The following MMRN1 variants were observed in gnomAD, a reference collection of about 807,000 sequenced individuals.
MMRN1 encodes the protein multimerin 1.
MMRN1 carries 94 observed loss-of-function variants against 100.7 expected under a neutral mutation model. The observed-to-expected ratio is 0.93, with a 90% CI of 0.79 to 1.11. MMRN1 has a LOEUF of 1.11. Among genes scored for constraint, MMRN1 ranks in the 50% least tolerant of loss-of-function variants. The pLI, the probability that MMRN1 is intolerant of heterozygous loss-of-function variation, is 0.00. For synonymous variants in MMRN1, 575 were observed against 505.0 expected, an observed-to-expected ratio of 1.14 and a Z score of -1.86; for missense variants, 1,606 against 1,439.1, an observed-to-expected ratio of 1.12 and a Z score of -1.88.
intron 1 of MMRN1, 34 bp from the exon 2 acceptor site, chr4:89,909,240 AAC>A: frequency 6.4e-7 from 1 of 1,552,388 alleles, no homozygotes; most frequent in Non-Finnish European, 8.7e-7. Context: ...CTTTTTTGAC[AAC>A]AGTTTTTTCC....
chr4:89,903,361 T>A lies in MMRN1; in HGVS notation c.624-5915T>A, dbSNP rs576085963. Among the ~76,000 whole-genome samples, 5 of 151,886 alleles carry A rather than the reference T, an allele frequency of 3.3e-5. No individual in the cohort carries two copies. The East Asian group carries it at 9.7e-4, about 29-fold the overall frequency. On this transcript the variant is annotated intron_variant, in intron 1 of 7. Coordinates refer to ENST00000264790, the MANE Select transcript of MMRN1 (RefSeq NM_007351.3). ...GTAGAGACATTCTGAAAGTTTTTTT[T>A]TTTTTCCTGAGAGGCAAGCTTCATC...
chr4:89,935,403 A>G lies in MMRN1; in HGVS notation c.1723A>G (p.Asn575Asp), dbSNP rs749023205. 1 of 1,613,356 alleles carries G rather than the reference A, an allele frequency of 6.2e-7. No individual in the cohort carries two copies. Among genetic ancestry groups the G allele is most frequent in the Non-Finnish European group, 8.5e-7 (1 of 1,179,742 alleles). Residue 575 changes from asparagine to aspartate, a missense_variant, in exon 6 of 8, where the codon AAC (asparagine) becomes GAC (aspartate). Transcript: ENST00000264790. ...TTTGCACATTCAAGAAAGCAAGATT[A>G]ACAATCTCACCGTCTCTTTGGAGAT... ...EDLHIQESKI[N>D]NLTVSLEMEK...
At chr4:89,921,622 C>T (rs1722092031) in intron 3 of MMRN1, among the ~76,000 whole-genome samples, 1 of 152,116 alleles carries the variant, frequency 6.6e-6, no homozygotes. Flanking sequence ...ACACTATTCC[C>T]CAAGCTGCAG....
intron 3 of MMRN1, among the ~76,000 whole-genome samples, chr4:89,916,510 A>G (rs1037365536): frequency 2.6e-5 from 4 of 151,704 alleles, no homozygotes; most frequent in African/African-American, 9.7e-5. Context: ...TTTTCTTTCA[A>G]ATTAGTGATG....
chr4:89,946,343 T>C (rs1474879975), intron 6 of MMRN1, among the ~76,000 whole-genome samples: 2 of 152,182 alleles, frequency 1.3e-5, no homozygotes, highest in Admixed American at 6.5e-5. Context: ...CTCCATTGTG[T>C]CCTAGCAGAG....
intron 1 of MMRN1, among the ~76,000 whole-genome samples, chr4:89,888,490 G>A (rs1720985166): frequency 1.3e-5 from 2 of 150,992 alleles, no homozygotes; most frequent in Admixed American, 6.6e-5. Context: ...ATCAATTTTG[G>A]AAAATTCTTA....
intron 1 of MMRN1, among the ~76,000 whole-genome samples, chr4:89,885,357 A>G (rs1423913534): frequency 6.6e-6 from 1 of 152,092 alleles, no homozygotes; most frequent in African/African-American, 2.4e-5. Flanking sequence ...TTTTATGTCA[A>G]TGAAAGATAC....
At chr4:89,890,557 A>C (rs921611432), upstream of MMRN1, among the ~76,000 whole-genome samples, 3 of 152,124 alleles carry the variant, frequency 2.0e-5, no homozygotes, top group Non-Finnish European at 2.9e-5. Context: ...TACTTAGCAG[A>C]AGGAATAGGG....
chr4:89,888,064 A>G (rs1720975355), intron 1 of MMRN1, among the ~76,000 whole-genome samples: 1 of 151,736 alleles, frequency 6.6e-6, no homozygotes. Context: ...TAAAGATAAT[A>G]TCAATTATCT....
At chr4:89,918,302 T>TG (rs1721985323) in intron 3 of MMRN1, among the ~76,000 whole-genome samples, 1 of 151,674 alleles carries the variant, frequency 6.6e-6, no homozygotes. Context: ...CTCGTAAAGC[T>TG]GAAAAAGGAT....
At chr4:89,879,994 A>T (rs1720784936) in intron 1 of MMRN1, among the ~76,000 whole-genome samples, 1 of 152,190 alleles carries the variant, frequency 6.6e-6, no homozygotes, top group South Asian at 2.1e-4. Flanking sequence ...TTAATTTTAC[A>T]GATATTCTGA....
At chr4:89,910,362 G>A (rs1721709870) in intron 2 of MMRN1, among the ~76,000 whole-genome samples, 1 of 151,374 alleles carries the variant, frequency 6.6e-6, no homozygotes, top group Admixed American at 6.6e-5. Flanking sequence ...CTAGCATACT[G>A]CCCTTCTGGA....
intron 5 of MMRN1, among the ~76,000 whole-genome samples, chr4:89,932,434 GC>G (rs2110628371): frequency 6.6e-6 from 1 of 152,292 alleles, no homozygotes; most frequent in East Asian, 1.9e-4. Flanking sequence ...TCTTCTCACA[GC>G]TCCACTAGGC....
intron 1 of MMRN1, among the ~76,000 whole-genome samples, chr4:89,885,141 CCCTT>C (rs140735457): frequency 2.1e-5 from 3 of 142,456 alleles, no homozygotes; most frequent in Non-Finnish European, 3.1e-5. Flanking sequence ...CTCCCTTCCT[CCCTT>C]CCTTCCTTCT....
intron 3 of MMRN1, among the ~76,000 whole-genome samples, chr4:89,918,946 C>T (rs991327752): frequency 1.3e-5 from 2 of 151,550 alleles, no homozygotes; most frequent in East Asian, 1.9e-4. Flanking sequence ...TTGATTTTTA[C>T]GTTTTAGGAA....
chr4:89,935,649 G>T lies in MMRN1; in HGVS notation c.1969G>T (p.Ala657Ser). 6.2e-7 allele frequency: 1 copy of T among 1,613,388 alleles called. No individual in the cohort carries two copies. The highest frequency in any genetic ancestry group is 8.5e-7 in the Non-Finnish European group (1 of 1,179,684). Reference protein sequence around the residue: ...EILQPLLEQGASLRQTMTYEQ... With the variant: ...EILQPLLEQGSSLRQTMTYEQ... Reference sequence around the variant, plus strand: ...CCTTCAACCCTTGCTTGAGCAGGGAGCATCACTCAGACAGACAATGACATA... The same window carrying T: ...CCTTCAACCCTTGCTTGAGCAGGGATCATCACTCAGACAGACAATGACATA... Residue 657 changes from alanine (A) to serine (S), a missense_variant, in exon 6 of 8, where the codon GCA (alanine) becomes TCA (serine). Ala to Ser is a moderately conservative substitution (Grantham distance 99). Transcript: ENST00000264790.
In MMRN1 at chr4:89,914,077, T is replaced by TC. The variant is rs140675513; in HGVS notation, c.850+2029dup. Reference sequence around the variant, plus strand: ...ACTGGTTGTATTAGGAACTACTGTGTCCTTTGTCCCTTGAACCTTCATTAT... The same window carrying TC: ...ACTGGTTGTATTAGGAACTACTGTGTCCCTTTGTCCCTTGAACCTTCATTAT... On this transcript the variant is annotated intron_variant, in intron 3 of 7. Transcript: ENST00000264790. Among the ~76,000 whole-genome samples the TC allele has an allele frequency of 6.0e-3, 903 of 151,456 alleles. 7 individuals carry two copies. Among genetic ancestry groups the TC allele is most frequent in the African/African-American group, 0.021 (861 of 41,450 alleles).
intron 2 of MMRN1, 102 bp downstream of exon 2, chr4:89,909,497 G>C: frequency 7.1e-7 from 1 of 1,407,460 alleles, no homozygotes; most frequent in Non-Finnish European, 9.7e-7. Context: ...TACATAGTAG[G>C]GTCAGGGGAT....
intron 1 of MMRN1, among the ~76,000 whole-genome samples, chr4:89,904,757 GGTA>G (rs546729098): frequency 8.6e-5 from 13 of 151,628 alleles, no homozygotes; most frequent in African/African-American, 3.1e-4. Flanking sequence ...CTCAAATTAG[GGTA>G]GTGTGCTAGG....
Sources: allele counts gnomAD v4.1 joint callset (sites outside exome capture counted in the v4.1 genomes callset), GRCh38; gene constraint gnomAD v4.1.1; transcripts MANE v1.5; gene names NCBI Gene and HGNC (gene_info 2026-07-23, HGNC 2026-07-21).